NCKAP5: variants seen among roughly 807,000 people sequenced by gnomAD.
NCKAP5 encodes NCK associated protein 5, also known as nck-associated protein 5.
NCKAP5 carries 92 observed loss-of-function variants against 167.0 expected under a neutral mutation model. The ratio of observed to expected loss-of-function variants is 0.55; its 90% CI spans 0.47 to 0.66. The LOEUF is 0.66. Ranked by LOEUF, NCKAP5 falls within the 30% of genes least tolerant of loss-of-function variation. The probability of loss-of-function intolerance (pLI) is 0.00; values close to 1 mark genes in which losing one functional copy is unlikely to be tolerated. For synonymous variants in NCKAP5, 891 were observed against 877.4 expected (o/e 1.02, Z -0.27); for missense variants, 2,378 against 2,315.0 (o/e 1.03, Z -0.56).
At chr2:132,705,796 C>T (rs563425510) in intron 19 of NCKAP5, among the ~76,000 whole-genome samples, 35 of 152,156 alleles carry the variant, frequency 2.3e-4, no homozygotes, top group Non-Finnish European at 3.2e-4. Flanking sequence ...TAGTCCAATA[C>T]TCCCATTTTA....
At chr2:132,982,067 T>C (rs760256276) in intron 7 of NCKAP5, among the ~76,000 whole-genome samples, 9 of 152,170 alleles carry the variant, frequency 5.9e-5, no homozygotes, top group African/African-American at 2.2e-4. Context: ...GCACTGGCCA[T>C]AGAAGTACAG....
chr2:133,179,314 AC>A (rs2084630505), intron 5 of NCKAP5, among the ~76,000 whole-genome samples: 1 of 151,922 alleles, frequency 6.6e-6, no homozygotes, highest in African/African-American at 2.4e-5. Context: ...AAATGCTCCA[AC>A]AAGCATTTCC....
chr2:132,944,500 G>A (rs1376983784), intron 8 of NCKAP5, among the ~76,000 whole-genome samples: 1 of 152,132 alleles, frequency 6.6e-6, no homozygotes, highest in Non-Finnish European at 1.5e-5. Flanking sequence ...ATAGAGCAAT[G>A]ACAGCTGGAA....
At chr2:133,473,726 T>C (rs1479968660) in intron 3 of NCKAP5, among the ~76,000 whole-genome samples, 6 of 152,254 alleles carry the variant, frequency 3.9e-5, no homozygotes, top group African/African-American at 1.4e-4. Context: ...GGTTTCTATC[T>C]GCTTTCAAAA....
Position 132,790,159 on chromosome 2 carries a change from C to A in NCKAP5, c.956G>T (p.Gly319Val), listed in dbSNP as rs149758116. 5.8e-5 allele frequency: 94 copies of A among 1,613,544 alleles called. No individual in the cohort carries two copies. The African/African-American group carries it at 1.1e-3, about 19-fold the overall frequency. The change falls in exon 13 of 20, where the codon GGG (glycine) becomes GTG (valine). Residue 319 changes from glycine (G) to valine (V), a missense_variant. Physicochemically the swap from Gly to Val is moderately radical, Grantham distance 109. This residue lies in a region of NCKAP5 where 1,049 missense variants were observed against 1,023.4 expected (regional missense o/e 1.02). Transcript: ENST00000409261. ...ACAGAGATGACCAGGGATGACAGCC[C>A]CCAAGCCAGGGCATTTCAAGGCCGA... Reference protein sequence around the residue: ...TKSALKCPGLGAVIPGHLCPR... With the variant: ...TKSALKCPGLVAVIPGHLCPR...
chr2:133,561,329 T>C (rs1285617080), intron 1 of NCKAP5, among the ~76,000 whole-genome samples: 1 of 152,148 alleles, frequency 6.6e-6, no homozygotes, highest in Non-Finnish European at 1.5e-5. Context: ...CTACTCTCAA[T>C]AACAAAGTAT....
At chr2:133,445,256 C>T (rs1480377308) in intron 3 of NCKAP5, among the ~76,000 whole-genome samples, 2 of 151,506 alleles carry the variant, frequency 1.3e-5, no homozygotes, top group African/African-American at 4.8e-5. Context: ...AATAATGATT[C>T]AATACCAATT....
At chr2:133,080,090 A>G (rs1026695920) in intron 6 of NCKAP5, among the ~76,000 whole-genome samples, 1 of 152,188 alleles carries the variant, frequency 6.6e-6, no homozygotes. Flanking sequence ...TTTCCAGAAG[A>G]GAACTGATAC....
At position 133,456,896 on chromosome 2, in the gene NCKAP5, T is replaced by C. The variant is rs945038189; in HGVS notation, c.69+60562A>G. ...CTCTCAGCAACTACATAGCTGCTTATGAACATTATCAGGACTGTCGGACAC... is the reference window on the plus strand; with the variant it reads ...CTCTCAGCAACTACATAGCTGCTTACGAACATTATCAGGACTGTCGGACAC... On this transcript the variant is annotated intron_variant, in intron 3 of 19. Transcript: ENST00000409261. Among the ~76,000 whole-genome samples the C allele has an allele frequency of 3.9e-5, 6 of 152,204 alleles. No homozygotes were observed. In the South Asian group the frequency reaches 1.2e-3, roughly 31 times the overall value.
chr2:132,798,438 A>C (rs921314756), intron 11 of NCKAP5, among the ~76,000 whole-genome samples: 6 of 152,224 alleles, frequency 3.9e-5, no homozygotes, highest in Non-Finnish European at 8.8e-5. Flanking sequence ...ACATTTATCA[A>C]TATGCAAACA....
chr2:133,149,510 G>A (rs933411053), intron 5 of NCKAP5, among the ~76,000 whole-genome samples: 3 of 149,282 alleles, frequency 2.0e-5, no homozygotes, highest in South Asian at 2.1e-4. Flanking sequence ...GTCAAATTGC[G>A]CATAACATGC....
At chr2:133,153,796 T>C (rs2083465777) in intron 5 of NCKAP5, among the ~76,000 whole-genome samples, 1 of 151,242 alleles carries the variant, frequency 6.6e-6, no homozygotes, top group African/African-American at 2.4e-5. Context: ...TGAGTTCCTA[T>C]GCATCTTCCG....
chr2:133,143,411 G>A (rs942460633), intron 5 of NCKAP5, among the ~76,000 whole-genome samples: 8 of 152,120 alleles, frequency 5.3e-5, no homozygotes, highest in Non-Finnish European at 1.0e-4. Context: ...TGAACATGAT[G>A]TATTGACAGG....
chr2:132,925,561 C>CAAA (rs575777951), intron 8 of NCKAP5, among the ~76,000 whole-genome samples: 9 of 53,568 alleles, frequency 1.7e-4, no homozygotes, highest in African/African-American at 3.0e-4. Flanking sequence ...GACTCCGTCT[C>CAAA]AAAAAAAAAA....
chr2:133,250,028 A>ATTATTATTC (rs1376525791), intron 4 of NCKAP5, among the ~76,000 whole-genome samples: 87 of 148,172 alleles, frequency 5.9e-4, no homozygotes, highest in African/African-American at 2.1e-3. Flanking sequence ...TATTATTATT[A>ATTATTATTC]TTATTATTTT....
intron 3 of NCKAP5, among the ~76,000 whole-genome samples, chr2:133,336,622 T>C (rs1683224609): frequency 6.6e-6 from 1 of 152,134 alleles, no homozygotes; most frequent in East Asian, 1.9e-4. Context: ...ATTACTGGAA[T>C]TATGAGGTGA....
chr2:133,275,322 A>G (rs887171259), intron 4 of NCKAP5, among the ~76,000 whole-genome samples: 4 of 152,048 alleles, frequency 2.6e-5, no homozygotes, highest in African/African-American at 9.7e-5. Flanking sequence ...GGATATATTT[A>G]TTAAGTTGAA....
At chr2:133,608,002 T>C in the NCKAP5 span, among the ~76,000 whole-genome samples, 4 of 152,256 alleles carry the variant, frequency 2.6e-5, no homozygotes, top group Non-Finnish European at 4.4e-5. Context: ...TTCCTGTTCC[T>C]ATATCAACTT....
intron 6 of NCKAP5, chr2:133,116,878 G>A (rs889354443): frequency 1.3e-5 from 2 of 152,124 alleles, no homozygotes; most frequent in Non-Finnish European, 2.9e-5. Context: ...TAATCAATAA[G>A]ATTATTTGTT....
Sources: allele counts gnomAD v4.1 joint callset (sites outside exome capture counted in the v4.1 genomes callset), GRCh38; gene constraint gnomAD v4.1.1; regional missense constraint gnomAD v4.1.1; transcripts MANE v1.5; gene names NCBI Gene and HGNC (gene_info 2026-07-23, HGNC 2026-07-21).